Variants in RAPGEF4 observed in about 807,000 individuals in gnomAD.
RAPGEF4 encodes the protein RAP guanine-nucleotide-exchange factor (GEF) 4.
RAPGEF4 carries 66 observed loss-of-function variants against 147.9 expected under a neutral mutation model. That is an observed-to-expected ratio of 0.45 (90% CI 0.37 to 0.55). The LOEUF is 0.55. RAPGEF4 is among the 20% of genes least tolerant of loss of function. The pLI is 0.00. For missense variants in RAPGEF4, 1,071 were observed against 1,257.3 expected (o/e 0.85, Z 2.24); for synonymous variants, 419 against 442.7 (o/e 0.95, Z 0.67).
At chr2:172,880,388 G>A (rs1244411267) in intron 4 of RAPGEF4, among the ~76,000 whole-genome samples, 3 of 152,188 alleles carry the variant, frequency 2.0e-5, no homozygotes. Context: ...ACATTGCATA[G>A]TAATTCATTG....
chr2:172,849,914 A>G (rs1692619225), intron 4 of RAPGEF4, among the ~76,000 whole-genome samples: 1 of 152,216 alleles, frequency 6.6e-6, no homozygotes. Context: ...ACTGGTCTCC[A>G]TGGATCCACA....
chr2:172,811,870 C>T (rs914751621), intron 3 of RAPGEF4, among the ~76,000 whole-genome samples: 5 of 152,158 alleles, frequency 3.3e-5, no homozygotes, highest in Non-Finnish European at 5.9e-5. Context: ...AAATTACTCT[C>T]GCAGCACATT....
At chr2:172,741,734 T>C (rs1254163508) in intron 1 of RAPGEF4, among the ~76,000 whole-genome samples, 1 of 152,220 alleles carries the variant, frequency 6.6e-6, no homozygotes, top group Non-Finnish European at 1.5e-5. Context: ...GGCAGTGGTT[T>C]GATCACAACT....
At chr2:172,971,480 T>G (rs1690479987) in intron 10 of RAPGEF4, among the ~76,000 whole-genome samples, 1 of 152,208 alleles carries the variant, frequency 6.6e-6, no homozygotes, top group African/African-American at 2.4e-5. Context: ...ATAAGAGAAT[T>G]GTTAGAAGTT....
chr2:172,909,952 G>A lies in RAPGEF4; in HGVS notation c.445-7850G>A, dbSNP rs145614861. On this transcript the variant is annotated intron_variant, in intron 4 of 30. Transcript: ENST00000397081. Reference sequence around the variant, plus strand: ...TACAGCGGAAGGGAATTACCCCACCGCTGCATGGGATAATCAAAGAGAGAG... The same window carrying A: ...TACAGCGGAAGGGAATTACCCCACCACTGCATGGGATAATCAAAGAGAGAG... Among the ~76,000 whole-genome samples the A allele has an allele frequency of 3.9e-5, 6 of 152,232 alleles. No homozygotes were observed. The East Asian group carries it at 9.7e-4, about 25-fold the overall frequency.
intron 6 of RAPGEF4, among the ~76,000 whole-genome samples, chr2:172,952,638 T>A (rs1409687797): frequency 1.3e-5 from 2 of 152,134 alleles, no homozygotes; most frequent in Non-Finnish European, 2.9e-5. Context: ...AAGGAAAAAA[T>A]GAACTACTTT....
At chr2:172,961,822 T>G (rs1689329476) in intron 8 of RAPGEF4, among the ~76,000 whole-genome samples, 1 of 152,252 alleles carries the variant, frequency 6.6e-6, no homozygotes, top group African/African-American at 2.4e-5. Flanking sequence ...TGCCAGGCAC[T>G]ATTGTGTTTC....
chr2:172,844,806 T>A (rs186805887), intron 4 of RAPGEF4, among the ~76,000 whole-genome samples: 46 of 152,356 alleles, frequency 3.0e-4, no homozygotes, highest in Admixed American at 1.5e-3. Context: ...GCAGACATAT[T>A]GTAAGCCACT....
intron 4 of RAPGEF4, among the ~76,000 whole-genome samples, chr2:172,844,671 AAAG>A (rs777972004): frequency 1.2e-4 from 18 of 152,356 alleles, no homozygotes; most frequent in Non-Finnish European, 1.6e-4. Context: ...GGCTGGCAGT[AAAG>A]AAGAATTTCC....
At position 173,024,512 on chromosome 2, in the gene RAPGEF4, C is replaced by T. The variant is rs549998014; in HGVS notation, c.2254-2060C>T. ...GATTACAGGCGTGAGCCACCGCGCCCGGCCTGCTGCAGCACTTCTAGAAAG... is the reference window on the plus strand; with the variant it reads ...GATTACAGGCGTGAGCCACCGCGCCTGGCCTGCTGCAGCACTTCTAGAAAG... On this transcript the variant is annotated intron_variant, in intron 23 of 30. Coordinates refer to ENST00000397081, the MANE Select transcript of RAPGEF4 (RefSeq NM_007023.4). 2.9e-4 allele frequency among the ~76,000 whole-genome samples: 41 copies of T among 140,486 alleles called. 1 individual carries two copies. The highest frequency in any genetic ancestry group is 6.4e-4 in the African/African-American group (26 of 40,602). 92.2% of individuals were successfully genotyped at this position (140,486 alleles called of 152,430 possible). A position where few individuals can be genotyped will look rare whatever the true frequency, so the allele number is the denominator to read the frequency against.
At chr2:172,931,201 G>GGGGGGGGGGGA (rs1685930251) in intron 6 of RAPGEF4, among the ~76,000 whole-genome samples, 1 of 128,054 alleles carries the variant, frequency 7.8e-6, no homozygotes, top group African/African-American at 2.8e-5. Context: ...GGGGCGGGGG[G>GGGGGGGGGGGA]ACTGAACAGG....
At chr2:172,927,184 T>C (rs1685457668) in intron 6 of RAPGEF4, among the ~76,000 whole-genome samples, 1 of 152,134 alleles carries the variant, frequency 6.6e-6, no homozygotes, top group Non-Finnish European at 1.5e-5. Flanking sequence ...AAATGGCAAC[T>C]AGTAAGGAAA....
intron 1 of RAPGEF4, among the ~76,000 whole-genome samples, chr2:172,763,601 T>C (rs1696551154): frequency 1.3e-5 from 2 of 152,176 alleles, no homozygotes; most frequent in Admixed American, 6.5e-5. Context: ...ATTCAGATGA[T>C]TTATTTCCTG....
chr2:172,946,467 T>G (rs1291556651), intron 6 of RAPGEF4, among the ~76,000 whole-genome samples: 2 of 152,192 alleles, frequency 1.3e-5, no homozygotes, highest in Non-Finnish European at 2.9e-5. Context: ...CAATGGTGAA[T>G]TTTTATCATC....
chr2:172,935,243 G>A (rs115973398), intron 6 of RAPGEF4, among the ~76,000 whole-genome samples: 127 of 152,238 alleles, frequency 8.3e-4, no homozygotes, highest in African/African-American at 2.8e-3. Context: ...GATGGGAGCC[G>A]AGGGCTCTAC....
chr2:172,864,943 T>C (rs114310028), intron 4 of RAPGEF4, among the ~76,000 whole-genome samples: 375 of 152,312 alleles, frequency 2.5e-3, no homozygotes, highest in African/African-American at 8.7e-3. Context: ...AAAAGATTTA[T>C]GGAGTGACTC....
At chr2:172,759,274 A>C (rs146144456) in intron 1 of RAPGEF4, among the ~76,000 whole-genome samples, 63 of 152,338 alleles carry the variant, frequency 4.1e-4, no homozygotes, top group African/African-American at 1.5e-3. Context: ...AAAAACAAAA[A>C]TAAAAGATTT....
intron 1 of RAPGEF4, among the ~76,000 whole-genome samples, chr2:172,791,834 T>G (rs1459290739): frequency 1.3e-5 from 2 of 152,256 alleles, no homozygotes; most frequent in African/African-American, 4.8e-5. Flanking sequence ...TCTACTGTTT[T>G]CTCGTGAGTG....
At chr2:173,023,541 G>A (rs182118418) in intron 23 of RAPGEF4, among the ~76,000 whole-genome samples, 6 of 152,240 alleles carry the variant, frequency 3.9e-5, no homozygotes, top group Middle Eastern at 3.4e-3. Context: ...TGCCTCTTCC[G>A]TGGCTCATGG....
Sources: gnomAD v4.1 joint callset for allele counts (sites outside exome capture counted in the v4.1 genomes callset) on GRCh38, gnomAD v4.1.1 for gene constraint, MANE v1.5 for transcripts, NCBI Gene and HGNC (gene_info 2026-07-23, HGNC 2026-07-21) for gene names.